POFUT3: variants seen among roughly 807,000 people sequenced by gnomAD.
POFUT3 encodes protein O-fucosyltransferase 3.
chr8:33,451,030 CAA>C, the POFUT3 span, among the ~76,000 whole-genome samples: 1 of 130,934 alleles, frequency 7.6e-6, no homozygotes. Flanking sequence ...GAGAGAGGAG[CAA>C]AAAAAAAAAG....
At chr8:33,379,835 A>G in the POFUT3 span, among the ~76,000 whole-genome samples, 16 of 10,434 alleles carry the variant, frequency 1.5e-3, no homozygotes, top group African/African-American at 3.7e-3. Context: ...GACTCTGTCT[A>G]AAAAAAAAAA....
the POFUT3 span, among the ~76,000 whole-genome samples, chr8:33,388,482 G>A: frequency 6.6e-6 from 1 of 151,926 alleles, no homozygotes; most frequent in East Asian, 1.9e-4. Context: ...GATTACAAGT[G>A]CATGTCACCA....
chr8:33,389,294 C>T, the POFUT3 span: 134 of 1,614,160 alleles, frequency 8.3e-5, 1 homozygote, highest in Middle Eastern at 4.9e-4. Flanking sequence ...CAGTGGCCTC[C>T]AGAACTTCTC....
the POFUT3 span, among the ~76,000 whole-genome samples, chr8:33,406,168 T>C: frequency 6.6e-6 from 1 of 152,180 alleles, no homozygotes; most frequent in Non-Finnish European, 1.5e-5. Context: ...ATAATTTTAG[T>C]TATAGCCATA....
At chr8:33,317,979 T>A in the POFUT3 span, among the ~76,000 whole-genome samples, 109 of 152,254 alleles carry the variant, frequency 7.2e-4, 1 homozygote, top group Non-Finnish European at 1.2e-4. Flanking sequence ...TTTTGTGCAA[T>A]ATACTTTCAA....
chr8:33,451,557 T>C, the POFUT3 span, among the ~76,000 whole-genome samples: 1 of 152,070 alleles, frequency 6.6e-6, no homozygotes, highest in East Asian at 1.9e-4. Context: ...TAAATGTGTA[T>C]GTATGTGTAT....
At chr8:33,395,161 G>A in the POFUT3 span, among the ~76,000 whole-genome samples, 1 of 152,164 alleles carries the variant, frequency 6.6e-6, no homozygotes, top group African/African-American at 2.4e-5. Flanking sequence ...GTAGAAGAGG[G>A]TGGGGTCCCT....
chr8:33,467,629 C>A, the POFUT3 span, among the ~76,000 whole-genome samples: 2 of 152,218 alleles, frequency 1.3e-5, no homozygotes, highest in African/African-American at 4.8e-5. Context: ...TGGCCATCTG[C>A]TGCACAGAGT....
chr8:33,355,358 A>G, the POFUT3 span, among the ~76,000 whole-genome samples: 1 of 152,212 alleles, frequency 6.6e-6, no homozygotes, highest in Admixed American at 6.5e-5. Flanking sequence ...TTCAATATCA[A>G]TGTGGAAAAT....
chr8:33,328,947 A>G, the POFUT3 span, among the ~76,000 whole-genome samples: 1 of 152,214 alleles, frequency 6.6e-6, no homozygotes, highest in Admixed American at 6.5e-5. Flanking sequence ...TTTATACATT[A>G]AAATTCTCTC....
chr8:33,405,586 C>G, the POFUT3 span, among the ~76,000 whole-genome samples: 1 of 152,022 alleles, frequency 6.6e-6, no homozygotes, highest in Non-Finnish European at 1.5e-5. Flanking sequence ...TTAACCTGAC[C>G]TTTGGTATGA....
the POFUT3 span, among the ~76,000 whole-genome samples, chr8:33,449,130 T>C: frequency 1.3e-5 from 2 of 152,114 alleles, no homozygotes; most frequent in Non-Finnish European, 2.9e-5. Flanking sequence ...ATCTTCTGTA[T>C]TCCTCATGAT....
At chr8:33,349,217 T>C in the POFUT3 span, among the ~76,000 whole-genome samples, 3 of 152,214 alleles carry the variant, frequency 2.0e-5, no homozygotes, top group Non-Finnish European at 4.4e-5. Context: ...CATTCATGAA[T>C]GTAGCCCTTT....
the POFUT3 span, among the ~76,000 whole-genome samples, chr8:33,464,728 C>T: frequency 2.6e-5 from 4 of 152,124 alleles, no homozygotes; most frequent in Non-Finnish European, 2.9e-5. Context: ...TGCAGTGAGC[C>T]GTGATTGTGC....
At chr8:33,424,329 A>C in the POFUT3 span, among the ~76,000 whole-genome samples, 1 of 152,130 alleles carries the variant, frequency 6.6e-6, no homozygotes, top group Non-Finnish European at 1.5e-5. Context: ...GCTACTTAGG[A>C]AATGTTAGTT....
chr8:33,384,545 C>T, the POFUT3 span, among the ~76,000 whole-genome samples: 1 of 152,104 alleles, frequency 6.6e-6, no homozygotes, highest in Non-Finnish European at 1.5e-5. Context: ...TCAGGCCGGG[C>T]GTGGTGGCTC....
chr8:33,353,377 T>C, the POFUT3 span, among the ~76,000 whole-genome samples: 1 of 152,304 alleles, frequency 6.6e-6, no homozygotes, highest in East Asian at 1.9e-4. Context: ...GCATGTTTTG[T>C]CTGGAGATTC....
the POFUT3 span, among the ~76,000 whole-genome samples, chr8:33,332,075 A>G: frequency 0.96 from 146,003 of 151,742 alleles, 70,499 homozygotes; most frequent in East Asian, 1. Flanking sequence ...CCCAGGAGAT[A>G]GAGGCTGCAG....
At chr8:33,352,661 G>T in the POFUT3 span, among the ~76,000 whole-genome samples, 1 of 152,134 alleles carries the variant, frequency 6.6e-6, no homozygotes, top group Non-Finnish European at 1.5e-5. Flanking sequence ...TGGTTGTCAT[G>T]GTTTCTTTGA....
Sources: gnomAD v4.1 joint callset for allele counts (sites outside exome capture counted in the v4.1 genomes callset) on GRCh38, gnomAD v4.1.1 for gene constraint, MANE v1.5 for transcripts, NCBI Gene and HGNC (gene_info 2026-07-23, HGNC 2026-07-21) for gene names.